PLA2G7: variants seen among roughly 807,000 people sequenced by gnomAD.
PLA2G7 encodes the protein phospholipase A2 group VII, also known as platelet-activating factor acetylhydrolase.
In PLA2G7, 63 loss-of-function variants were observed where a neutral mutation model predicts 49.6. The observed-to-expected ratio is 1.27, with a 90% CI of 1.04 to 1.57. The LOEUF (loss-of-function observed/expected upper bound fraction) is 1.57, where lower values mean the gene tolerates loss of function less well. Among genes scored for constraint, PLA2G7 ranks in the 40% most tolerant of loss-of-function variants. PLA2G7 has a pLI of 0.00. For missense variants in PLA2G7, 596 were observed against 521.2 expected, an observed-to-expected ratio of 1.14 and a Z score of -1.40; for synonymous variants, 193 against 169.9, an observed-to-expected ratio of 1.14 and a Z score of -1.06.
chr6:46,722,807 G>T lies in PLA2G7; in HGVS notation c.85C>A (p.Pro29Thr). 3 of 1,609,166 alleles carry T rather than the reference G, an allele frequency of 1.9e-6. No homozygotes were observed. Among genetic ancestry groups the T allele is most frequent in the Non-Finnish European group, 2.6e-6 (3 of 1,175,518 alleles). ...CCTGATGATTTCATATGGGCAACAG[G>T]ATTTATGTATTGCCAGTCAAAAGGA... is the stretch of plus-strand genomic sequence containing the variant. ...VYPFDWQYIN[P>T]VAHMKSSAWV... The change falls in exon 2 of 12, where the codon CCT becomes ACT. Residue 29 changes from proline to threonine, a missense_variant. By Grantham distance (38) the Pro-to-Thr change is conservative. Coordinates refer to ENST00000274793, the MANE Select transcript of PLA2G7 (RefSeq NM_005084.4).
At position 46,710,725 on chromosome 6, in the gene PLA2G7, G is replaced by A. The variant is rs1764987966; in HGVS notation, c.664-67C>T. The A allele has an allele frequency of 4.8e-6, 6 of 1,237,966 alleles. No homozygotes were observed. The South Asian group carries it at 7.2e-5, about 15-fold the overall frequency. The allele number at this position is 1,237,966 out of a possible 1,614,324, so 76.7% of individuals were successfully genotyped here. A position where few individuals can be genotyped will look rare whatever the true frequency, so the allele number is the denominator to read the frequency against. ...TTATAACACTTATTTTAAAGTTTAG[G>A]TAGAAGCTGTATTTGGGAAAAATCG... On this transcript the variant is annotated intron_variant, in intron 7 of 11. Transcript: ENST00000274793.
chr6:46,730,162 G>A (rs1765692959), intron 1 of PLA2G7, among the ~76,000 whole-genome samples: 1 of 152,130 alleles, frequency 6.6e-6, no homozygotes, highest in Non-Finnish European at 1.5e-5. Flanking sequence ...GAATGATGAG[G>A]GAACAAGGCA....
chr6:46,706,527 A>T (rs1239920051), intron 10 of PLA2G7, among the ~76,000 whole-genome samples: 1 of 152,214 alleles, frequency 6.6e-6, no homozygotes, highest in East Asian at 1.9e-4. Flanking sequence ...TGTTGAACAG[A>T]TGCAGAGAGC....
chr6:46,716,246 A>T, intron 4 of PLA2G7, 138 bp downstream of exon 4: 1 of 862,372 alleles, frequency 1.2e-6, no homozygotes, highest in Non-Finnish European at 1.9e-6. Flanking sequence ...GGCTTTAAAG[A>T]AATACTTTCC....
chr6:46,726,358 G>C (rs778606940), intron 1 of PLA2G7, among the ~76,000 whole-genome samples: 2 of 152,124 alleles, frequency 1.3e-5, no homozygotes, highest in Non-Finnish European at 2.9e-5. Flanking sequence ...TGACCACAGA[G>C]GCTTCTGAAT....
chr6:46,734,780 G>C (rs1048796422), intron 1 of PLA2G7, among the ~76,000 whole-genome samples: 2 of 151,544 alleles, frequency 1.3e-5, no homozygotes, highest in Non-Finnish European at 2.9e-5. Context: ...TCGAGATCGC[G>C]CCTCTGCACT....
intron 10 of PLA2G7, among the ~76,000 whole-genome samples, chr6:46,705,925 C>T (rs1282658798): frequency 4.6e-5 from 7 of 152,012 alleles, no homozygotes; most frequent in South Asian, 2.1e-4. Flanking sequence ...TTTTTCTTTA[C>T]GTTTCCTTAA....
rs759121154 is a variant in PLA2G7 at position 46,722,801 on chromosome 6, C to T, written c.91G>A (p.Ala31Thr). Residue 31 changes from alanine to threonine, a missense_variant, in exon 2 of 12, where the codon GCC (alanine) becomes ACC (threonine). Coordinates refer to ENST00000274793, the MANE Select transcript of PLA2G7 (RefSeq NM_005084.4). ...CTCTTACCTGATGATTTCATATGGG[C>T]AACAGGATTTATGTATTGCCAGTCA... Reference protein sequence around the residue: ...PFDWQYINPVAHMKSSAWVNK... With the variant: ...PFDWQYINPVTHMKSSAWVNK... 6.2e-7 allele frequency: 1 copy of T among 1,606,772 alleles called. No individual in the cohort carries two copies. The highest frequency in any genetic ancestry group is 8.5e-7 in the Non-Finnish European group (1 of 1,173,350).
At position 46,704,482 on chromosome 6, in the gene PLA2G7, A is replaced by T. The variant is rs3997234; in HGVS notation, c.*78T>A. 0.017 allele frequency: 1,493 copies of T among 90,278 alleles called. 13 individuals are homozygous for T. Among genetic ancestry groups the T allele is most frequent in the African/African-American group, 0.095 (1,103 of 11,568 alleles). 5.6% of individuals were successfully genotyped at this position (90,278 alleles called of 1,614,324 possible). ...CTCTCTCTCTCTCTCTCTCTCTCACACACACACACACACACACACACACAC... is the reference window on the plus strand; with the variant it reads ...CTCTCTCTCTCTCTCTCTCTCTCACTCACACACACACACACACACACACAC... On this transcript the variant is annotated 3_prime_UTR_variant, in exon 12 of 12. Coordinates refer to ENST00000274793, the MANE Select transcript of PLA2G7 (RefSeq NM_005084.4).
chr6:46,733,481 A>G lies in PLA2G7; in HGVS notation c.-35+1699T>C, dbSNP rs561147778. On this transcript the variant is annotated intron_variant, in intron 1 of 11. Coordinates refer to ENST00000274793, the MANE Select transcript of PLA2G7 (RefSeq NM_005084.4). ...GTAGGCAGTCACAGACTATGGTGCC[A>G]GCCTTGGGTATGAAGGGCCCAGTTC... Among the ~76,000 whole-genome samples the G allele has an allele frequency of 2.6e-5, 4 of 152,336 alleles. No individual in the cohort carries two copies. In the South Asian group the frequency reaches 8.3e-4, roughly 32 times the overall value.
chr6:46,712,140 C>G (rs1375513520), intron 6 of PLA2G7, 129 bp downstream of exon 6: 2 of 680,270 alleles, frequency 2.9e-6, no homozygotes, highest in African/African-American at 3.6e-5. Flanking sequence ...CTTTTTTGCT[C>G]ATGATGTTAC....
In PLA2G7 at chr6:46,710,621, C is replaced by A. The variant is rs1053587083; in HGVS notation, c.701G>T (p.Ser234Ile). 6.2e-7 allele frequency: 1 copy of A among 1,613,482 alleles called. No homozygotes were observed. Among genetic ancestry groups the A allele is most frequent in the East Asian group, 2.2e-5 (1 of 44,860 alleles). Residue 234 changes from serine to isoleucine, a missense_variant, in exon 8 of 12, where the codon AGT becomes ATT. Transcript: ENST00000274793. ...QRAKECSQALSLILDIDHGKP... is the reference protein window; with the variant it reads ...QRAKECSQALILILDIDHGKP... ...TCCATGATCAATGTCAAGAATCAGA[C>A]TGAGAGCTTGGGAACATTCTTTTGC... is the stretch of plus-strand genomic sequence containing the variant.
intron 2 of PLA2G7, among the ~76,000 whole-genome samples, chr6:46,720,889 A>G (rs1765375868): frequency 6.6e-6 from 1 of 152,220 alleles, no homozygotes; most frequent in Non-Finnish European, 1.5e-5. Context: ...CCATTAGTAA[A>G]GAGGATATCT....
intron 8 of PLA2G7, 57 bp from the exon 9 acceptor site, chr6:46,709,475 AT>A (rs1764939118): frequency 1.0e-6 from 1 of 952,994 alleles, no homozygotes; most frequent in Non-Finnish European, 1.7e-6. Flanking sequence ...AGAAGAAATG[AT>A]TTTGTCAATC....
At chr6:46,705,865 G>A (rs766968864) in intron 10 of PLA2G7, among the ~76,000 whole-genome samples, 10 of 152,084 alleles carry the variant, frequency 6.6e-5, no homozygotes, top group Non-Finnish European at 1.3e-4. Context: ...TTAAGTCCTC[G>A]TTTTCTACCA....
At chr6:46,725,508 T>G (rs572996866) in intron 1 of PLA2G7, among the ~76,000 whole-genome samples, 68 of 152,108 alleles carry the variant, frequency 4.5e-4, no homozygotes, top group East Asian at 1.9e-3. Context: ...GGGATTACAG[T>G]CATCAGCCGC....
At chr6:46,728,866 G>A (rs1464771966) in intron 1 of PLA2G7, among the ~76,000 whole-genome samples, 1 of 152,126 alleles carries the variant, frequency 6.6e-6, no homozygotes, top group African/African-American at 2.4e-5. Flanking sequence ...GTAATAAAGT[G>A]GTTTAGAAAT....
intron 1 of PLA2G7, among the ~76,000 whole-genome samples, chr6:46,728,034 T>C (rs1765622750): frequency 6.6e-6 from 1 of 152,192 alleles, no homozygotes; most frequent in Non-Finnish European, 1.5e-5. Context: ...ATATGGAGCA[T>C]ATAAAGTAAC....
rs1004744993 is a variant in PLA2G7 at position 46,704,488 on chromosome 6, A to T, written c.*72T>A. On this transcript the variant is annotated 3_prime_UTR_variant, in exon 12 of 12. Coordinates refer to ENST00000274793, the MANE Select transcript of PLA2G7 (RefSeq NM_005084.4). ...CTCTCTCTCTCTCTCTCACACACAC[A>T]CACACACACACACACACACACATAA... 6.5e-4 allele frequency: 475 copies of T among 728,454 alleles called. 4 individuals carry two copies. The African/African-American group carries it at 8.2e-3, about 13-fold the overall frequency. 45.1% of individuals were successfully genotyped at this position (728,454 alleles called of 1,614,324 possible). A position where few individuals can be genotyped will look rare whatever the true frequency, so the allele number is the denominator to read the frequency against.
Sources: gnomAD v4.1 joint callset for allele counts (sites outside exome capture counted in the v4.1 genomes callset) on GRCh38, gnomAD v4.1.1 for gene constraint, MANE v1.5 for transcripts, NCBI Gene and HGNC (gene_info 2026-07-23, HGNC 2026-07-21) for gene names.